TRIM9: variants seen among roughly 807,000 people sequenced by gnomAD.
The protein encoded by TRIM9 is tripartite motif containing 9.
A neutral mutation model predicts 78.3 loss-of-function variants in TRIM9; 26 were observed. The observed-to-expected ratio is 0.33, with a 90% CI of 0.24 to 0.46. The LOEUF (loss-of-function observed/expected upper bound fraction) is 0.46, where lower values mean the gene tolerates loss of function less well. TRIM9 is among the 20% of genes least tolerant of loss of function. The probability of loss-of-function intolerance (pLI) is 1.00; values close to 1 mark genes in which losing one functional copy is unlikely to be tolerated. For synonymous variants in TRIM9, 398 were observed against 416.5 expected (o/e 0.96, Z 0.54); for missense variants, 787 against 1,036.4 (o/e 0.76, Z 3.30).
intron 1 of TRIM9, among the ~76,000 whole-genome samples, chr14:51,027,299 A>T (rs939150161): frequency 1.3e-5 from 2 of 151,738 alleles, no homozygotes; most frequent in African/African-American, 2.4e-5. Flanking sequence ...GTGCACCACC[A>T]CACCGAGTGA....
intron 7 of TRIM9, chr14:50,997,162 G>GC (rs2054319559): frequency 1.0e-6 from 1 of 985,232 alleles, no homozygotes; most frequent in South Asian, 4.7e-5. Flanking sequence ...TTTGGCACCA[G>GC]CCACAAATAC....
chr14:51,075,507 TC>T (rs1406369030), intron 1 of TRIM9, among the ~76,000 whole-genome samples: 1 of 152,182 alleles, frequency 6.6e-6, no homozygotes, highest in African/African-American at 2.4e-5. Context: ...ACATTTACAA[TC>T]CAATCTAGTT....
At chr14:50,983,044 T>A in intron 9 of TRIM9, 79 bp from the exon 10 acceptor site, 3 of 1,349,000 alleles carry the variant, frequency 2.2e-6, no homozygotes, top group Non-Finnish European at 3.1e-6. Flanking sequence ...TGTGTCTCTC[T>A]TGATAGACTA....
At chr14:51,083,431 AT>A (rs146594547) in intron 1 of TRIM9, among the ~76,000 whole-genome samples, 18 of 150,184 alleles carry the variant, frequency 1.2e-4, no homozygotes, top group Admixed American at 9.9e-4. Flanking sequence ...ATTAAAAAAA[AT>A]TTTTTTTTTA....
Position 51,025,274 on chromosome 14 carries a change from C to T in TRIM9, c.909G>A (p.Gln303=), listed in dbSNP as rs1231711029. The T allele has an allele frequency of 6.2e-7, 1 of 1,614,070 alleles. No individual in the cohort carries two copies. Among genetic ancestry groups the T allele is most frequent in the Non-Finnish European group, 8.5e-7 (1 of 1,180,034 alleles). Residue 303 remains glutamine (Q), a synonymous_variant, in exon 2 of 13, where the codon CAG becomes CAA. Coordinates refer to ENST00000684578, the MANE Select transcript of TRIM9 (RefSeq NM_001387360.1). The part of the protein sequence containing the change: ...EFLVQLRNMV[Q]QIQENSVEFE... ...CAGGTAACACCCATACCTGGATCTG[C>T]TGGACCATGTTGCGCAGCTGTACCA...
At chr14:50,988,176 T>C (rs1261221932) in intron 7 of TRIM9, among the ~76,000 whole-genome samples, 3 of 152,178 alleles carry the variant, frequency 2.0e-5, no homozygotes, top group African/African-American at 4.8e-5. Flanking sequence ...ATTCATGATA[T>C]TGAAAATATT....
intron 10 of TRIM9, chr14:50,982,408 T>C (rs763111022): frequency 1.3e-5 from 6 of 446,116 alleles, no homozygotes; most frequent in Non-Finnish European, 2.5e-5. Context: ...ACCTGGTGAC[T>C]GGCAGAACAG....
chr14:51,040,062 C>T (rs1333062483), intron 1 of TRIM9, among the ~76,000 whole-genome samples: 4 of 152,168 alleles, frequency 2.6e-5, no homozygotes, highest in African/African-American at 7.2e-5. Flanking sequence ...GGATTACAGG[C>T]GTGAGCCATT....
rs2056262773 is a variant in TRIM9 at position 51,009,338 on chromosome 14, G to T, written c.1153-105C>A. On this transcript the variant is annotated intron_variant, in intron 4 of 12. Coordinates refer to ENST00000684578, the MANE Select transcript of TRIM9 (RefSeq NM_001387360.1). The stretch of plus-strand genomic sequence containing the variant: ...AGCATTACTCCCAAACTGCCTTGAG[G>T]ACTCATACTCTGACTGCCTCAGTGC... 5 of 1,411,798 alleles carry T rather than the reference G, an allele frequency of 3.5e-6. No individual in the cohort carries two copies. In the South Asian group the frequency reaches 3.9e-5, roughly 11 times the overall value. 87.5% of individuals were successfully genotyped at this position (1,411,798 alleles called of 1,614,324 possible). A position where few individuals can be genotyped will look rare whatever the true frequency, so the allele number is the denominator to read the frequency against.
At chr14:50,986,310 G>T in intron 7 of TRIM9, 166 bp from the exon 8 acceptor site, 1 of 507,868 alleles carries the variant, frequency 2.0e-6, no homozygotes, top group Non-Finnish European at 3.1e-6. Context: ...GGGCAGGGAG[G>T]GAATTTTCGG....
In TRIM9 at chr14:51,025,344, G is replaced by A. The variant is rs756801864; in HGVS notation, c.839C>T (p.Ala280Val). 1.1e-5 allele frequency: 18 copies of A among 1,613,984 alleles called. No individual in the cohort carries two copies. The highest frequency in any genetic ancestry group is 1.3e-5 in the African/African-American group (1 of 74,906). ...WKLHKSQLSQALNGLSDRAKE... is the reference protein window; with the variant it reads ...WKLHKSQLSQVLNGLSDRAKE... ...GGCCCTGTCTGACAGTCCGTTCAGC[G>A]CCTGGGAGAGCTGGCTCTGCAAAGA... The change falls in exon 2 of 13, where the codon GCG becomes GTG. Residue 280 changes from alanine to valine, a missense_variant. Physicochemically the swap from Ala to Val is moderately conservative, Grantham distance 64. Transcript: ENST00000684578.
At chr14:51,005,817 T>C (rs1256542954) in intron 5 of TRIM9, among the ~76,000 whole-genome samples, 2 of 152,156 alleles carry the variant, frequency 1.3e-5, no homozygotes, top group Non-Finnish European at 2.9e-5. Context: ...CATTACAATT[T>C]AGGGATATTT....
chr14:50,977,395 C>A, intron 12 of TRIM9, 42 bp from the exon 13 acceptor site: 1 of 1,444,782 alleles, frequency 6.9e-7, no homozygotes, highest in South Asian at 1.5e-5. Flanking sequence ...ATCGTGCATC[C>A]CCCTGTCCCT....
chr14:51,035,908 A>G (rs775652122), intron 1 of TRIM9, among the ~76,000 whole-genome samples: 2 of 152,250 alleles, frequency 1.3e-5, no homozygotes, highest in Non-Finnish European at 2.9e-5. Flanking sequence ...CCCACAGAAA[A>G]GCATGCTCCC....
At chr14:51,028,509 G>T (rs367547169) in intron 1 of TRIM9, among the ~76,000 whole-genome samples, 15 of 152,344 alleles carry the variant, frequency 9.8e-5, no homozygotes, top group East Asian at 3.9e-4. Context: ...TGCTAACAAA[G>T]ATGTTCTGCA....
intron 7 of TRIM9, chr14:50,997,174 T>C (rs1284473730): frequency 7.1e-6 from 7 of 985,248 alleles, no homozygotes; most frequent in Non-Finnish European, 8.4e-6. Flanking sequence ...CACAAATACC[T>C]CCTTGTAGGT....
At position 50,982,932 on chromosome 14, in the gene TRIM9, T is replaced by A. The variant is rs2052165363; in HGVS notation, c.1858+10A>T. On this transcript the variant is annotated intron_variant, in intron 10 of 12. Transcript: ENST00000684578. ...TTGCTATTTGGTAACAGAATAAGGT[T>A]ATTCCATACCTGCCAACAGCTTTTT... The A allele has an allele frequency of 6.5e-7, 1 of 1,547,896 alleles. No individual in the cohort carries two copies. The highest frequency in any genetic ancestry group is 1.2e-5 in the South Asian group (1 of 83,986).
intron 7 of TRIM9, among the ~76,000 whole-genome samples, chr14:50,994,366 C>T (rs2053926546): frequency 6.6e-6 from 1 of 152,184 alleles, no homozygotes; most frequent in Admixed American, 6.5e-5. Flanking sequence ...ATGATTGTGC[C>T]ACTGCACTGC....
At position 51,012,285 on chromosome 14, in the gene TRIM9, A is replaced by G. The variant is rs377475043; in HGVS notation, c.1042-1791T>C. 3.3e-4 allele frequency among the ~76,000 whole-genome samples: 50 copies of G among 152,274 alleles called. 1 individual carries two copies. In the East Asian group the frequency reaches 8.5e-3, roughly 26 times the overall value. ...GCCATTCTACTTCCTTTCTCTATGA[A>G]TTTCACTATGCTAAGAACCTCTTAC... On this transcript the variant is annotated intron_variant, in intron 3 of 12. Coordinates refer to ENST00000684578, the MANE Select transcript of TRIM9 (RefSeq NM_001387360.1).
Sources: gnomAD v4.1 joint callset for allele counts (sites outside exome capture counted in the v4.1 genomes callset) on GRCh38, gnomAD v4.1.1 for gene constraint, MANE v1.5 for transcripts, NCBI Gene and HGNC (gene_info 2026-07-23, HGNC 2026-07-21) for gene names.